The following TMEM230 variants were observed in gnomAD, a reference collection of about 807,000 sequenced individuals.
The protein encoded by TMEM230 is transmembrane protein 230.
In TMEM230, 10 loss-of-function variants were observed where a neutral mutation model predicts 15.8. That is an observed-to-expected ratio of 0.63 (90% CI 0.39 to 1.07). The LOEUF is 1.07. Among genes scored for constraint, TMEM230 ranks in the 50% least tolerant of loss-of-function variants. The pLI is 0.01. For missense variants in TMEM230, 165 were observed against 193.3 expected, an observed-to-expected ratio of 0.85 and a Z score of 0.87; for synonymous variants, 67 against 76.9, an observed-to-expected ratio of 0.87 and a Z score of 0.68.
intron 3 of TMEM230, among the ~76,000 whole-genome samples, chr20:5,081,494 G>T (rs945582023): frequency 1.3e-5 from 2 of 152,178 alleles, no homozygotes; most frequent in African/African-American, 4.8e-5. Context: ...TGTCCAGAAG[G>T]AGCCCAAAGG....
At chr20:5,093,207 A>C in intron 3 of TMEM230, among the ~76,000 whole-genome samples, 1 of 152,234 alleles carries the variant, frequency 6.6e-6, no homozygotes, top group Non-Finnish European at 1.5e-5. Flanking sequence ...CTATTCAAAG[A>C]AAAAAAAGAA....
chr20:5,096,414 C>T (rs1313534228), downstream of TMEM230, among the ~76,000 whole-genome samples: 2 of 152,182 alleles, frequency 1.3e-5, no homozygotes, highest in African/African-American at 4.8e-5. Flanking sequence ...ACCTGTGAGG[C>T]CAGGAGCCTA....
At chr20:5,095,461 A>C (rs1410327109), downstream of TMEM230, among the ~76,000 whole-genome samples, 1 of 152,210 alleles carries the variant, frequency 6.6e-6, no homozygotes, top group Non-Finnish European at 1.5e-5. Context: ...ATCACAAAAA[A>C]TGATCTTCAC....
intron 3 of TMEM230, among the ~76,000 whole-genome samples, chr20:5,108,005 T>C (rs2090161325): frequency 2.0e-5 from 3 of 151,314 alleles, no homozygotes; most frequent in Admixed American, 6.6e-5. Context: ...CCCCAGCTAC[T>C]AGGGAGGCTG....
At position 5,112,918 on chromosome 20, in the gene TMEM230, G is replaced by A. The variant is rs7344137; in HGVS notation, c.68+43C>T. ...GCGGTCTCGGACACGCCCAGAGCCC[G>A]AGAGGACGGTTCTGTCCCCGCCCTG... On this transcript the variant is annotated intron_variant, in intron 1 of 4. Coordinates refer to ENST00000342308, the MANE Select transcript of TMEM230 (RefSeq NM_001009923.2). 7.7e-4 allele frequency: 1,195 copies of A among 1,549,194 alleles called. 6 individuals are homozygous for A. The African/African-American group carries it at 0.015, about 19-fold the overall frequency.
intron 3 of TMEM230, among the ~76,000 whole-genome samples, chr20:5,077,164 G>A (rs1407829724): frequency 6.6e-6 from 1 of 151,888 alleles, no homozygotes; most frequent in Non-Finnish European, 1.5e-5. Flanking sequence ...AAAATTAGCT[G>A]AACATGGTGG....
intron 3 of TMEM230, among the ~76,000 whole-genome samples, chr20:5,086,917 C>T (rs1420008479): frequency 1.3e-5 from 2 of 152,044 alleles, no homozygotes; most frequent in Non-Finnish European, 2.9e-5. Context: ...CTCTGTCCCC[C>T]AGGCTGAGTG....
At chr20:5,105,959 G>A (rs1308913126) in intron 4 of TMEM230, among the ~76,000 whole-genome samples, 1 of 151,970 alleles carries the variant, frequency 6.6e-6, no homozygotes, top group East Asian at 1.9e-4. Flanking sequence ...CCAGCTACTC[G>A]GGAGGCTGAG....
At chr20:5,105,416 C>A (rs1232148654) in intron 4 of TMEM230, among the ~76,000 whole-genome samples, 1 of 152,016 alleles carries the variant, frequency 6.6e-6, no homozygotes, top group Non-Finnish European at 1.5e-5. Flanking sequence ...CATGGCGAAA[C>A]CCCATCTCTA....
chr20:5,092,814 T>C (rs2089550748), intron 3 of TMEM230, among the ~76,000 whole-genome samples: 1 of 152,140 alleles, frequency 6.6e-6, no homozygotes, highest in Non-Finnish European at 1.5e-5. Context: ...TCTGACATCC[T>C]TTCATGGTAA....
chr20:5,089,816 G>A (rs1455417172), intron 3 of TMEM230, among the ~76,000 whole-genome samples: 6 of 152,022 alleles, frequency 3.9e-5, no homozygotes, highest in South Asian at 2.1e-4. Context: ...TCAGGAGTTC[G>A]AGACCAGCCT....
chr20:5,089,903 C>T (rs1376484550), intron 3 of TMEM230, among the ~76,000 whole-genome samples: 1 of 152,084 alleles, frequency 6.6e-6, no homozygotes, highest in Non-Finnish European at 1.5e-5. Flanking sequence ...CCTGTAATCC[C>T]AGCTACTTGG....
At chr20:5,069,253 G>A (rs576656336) in exon 4 of TMEM230, 11 of 1,535,944 alleles carry the variant, frequency 7.2e-6, no homozygotes, top group Non-Finnish European at 8.7e-6. Context: ...CCTCCTTCGG[G>A]ACTCCTCCCA....
chr20:5,083,489 C>G (rs1315200926), intron 3 of TMEM230, among the ~76,000 whole-genome samples: 1 of 152,054 alleles, frequency 6.6e-6, no homozygotes, highest in African/African-American at 2.4e-5. Context: ...AGAAGAGAGT[C>G]ATATGATTTT....
chr20:5,063,049 C>T, the TMEM230 span, among the ~76,000 whole-genome samples: 1 of 152,066 alleles, frequency 6.6e-6, no homozygotes, highest in Admixed American at 6.6e-5. Context: ...CCAGTGTCTT[C>T]AGAGATGGAC....
At chr20:5,069,499 A>G in intron 3 of TMEM230, 1 of 757,948 alleles carries the variant, frequency 1.3e-6, no homozygotes. Flanking sequence ...CTCAAGATCT[A>G]CTTGTTCACT....
At position 5,090,397 on chromosome 20, in the gene TMEM230, C is replaced by T. The variant is rs371992636; in HGVS notation, c.222+15791G>A. Among the ~76,000 whole-genome samples, 8 of 152,074 alleles carry T rather than the reference C, an allele frequency of 5.3e-5. No individual in the cohort carries two copies. In the East Asian group the frequency reaches 7.7e-4, roughly 15 times the overall value. ...AGAAAAATGACGACAAAGGAGGAAC[C>T]AAGAATCAGAAGTCACGCAGGAAGC... is the stretch of plus-strand genomic sequence containing the variant. On this transcript the variant is annotated intron_variant, in intron 3 of 3. Transcript: ENST00000612323.
intron 3 of TMEM230, among the ~76,000 whole-genome samples, chr20:5,071,259 A>G (rs1053480263): frequency 6.6e-6 from 1 of 152,174 alleles, no homozygotes; most frequent in Non-Finnish European, 1.5e-5. Context: ...AGACAGACAG[A>G]TGCAGAACTG....
chr20:5,075,440 G>A (rs2088958919), intron 3 of TMEM230, among the ~76,000 whole-genome samples: 1 of 151,640 alleles, frequency 6.6e-6, no homozygotes, highest in African/African-American at 2.4e-5. Context: ...AAACTAAAAA[G>A]AGGCCAGGCG....
Sources: gnomAD v4.1 joint callset for allele counts (sites outside exome capture counted in the v4.1 genomes callset) on GRCh38, gnomAD v4.1.1 for gene constraint, MANE v1.5 for transcripts, NCBI Gene and HGNC (gene_info 2026-07-23, HGNC 2026-07-21) for gene names.